DOCK1: variants seen among roughly 807,000 people sequenced by gnomAD.
DOCK1 encodes the protein dedicator of cytokinesis protein 1.
Under a neutral mutation model 262.7 loss-of-function variants are expected in DOCK1, and 138 were observed. That is an observed-to-expected ratio of 0.53 (90% CI 0.46 to 0.61). The LOEUF (loss-of-function observed/expected upper bound fraction) is 0.61, where lower values mean the gene tolerates loss of function less well. Ranked by LOEUF, DOCK1 falls within the 20% of genes least tolerant of loss-of-function variation. The pLI, the probability that DOCK1 is intolerant of heterozygous loss-of-function variation, is 0.00. For missense variants in DOCK1, 1,908 were observed against 2,370.7 expected (o/e 0.80, Z 4.05); for synonymous variants, 866 against 867.4 (o/e 1.00, Z 0.03).
At chr10:127,233,354 A>G (rs184135465) in intron 27 of DOCK1, among the ~76,000 whole-genome samples, 70 of 152,344 alleles carry the variant, frequency 4.6e-4, no homozygotes, top group African/African-American at 1.6e-3. Flanking sequence ...TTTTGTCTAC[A>G]TAACAGTGGA....
chr10:127,109,137 G>C (rs1213825360), intron 24 of DOCK1, among the ~76,000 whole-genome samples: 1 of 152,152 alleles, frequency 6.6e-6, no homozygotes, highest in Non-Finnish European at 1.5e-5. Flanking sequence ...ATTTTCAGTA[G>C]ATTTTATCTA....
At chr10:127,339,153 T>C in intron 30 of DOCK1, 69 bp downstream of exon 30, 1 of 1,312,946 alleles carries the variant, frequency 7.6e-7, no homozygotes, top group East Asian at 2.5e-5. Context: ...TCCGAGCCAG[T>C]ATCTTACAGT....
Position 127,374,163 on chromosome 10 carries a change from C to T in DOCK1, c.3624C>T (p.Ile1208=), listed in dbSNP as rs2065357028. 1 of 1,613,796 alleles carries T rather than the reference C, an allele frequency of 6.2e-7. No homozygotes were observed. ...AAAGGCTTTTGGATTATAGAACCATCATGCACGACGAGAACAAAGAAAACC... is the reference window on the plus strand; with the variant it reads ...AAAGGCTTTTGGATTATAGAACCATTATGCACGACGAGAACAAAGAAAACC... ...LMERLLDYRT[I]MHDENKENRM... The change falls in exon 35 of 52, where the codon ATC becomes ATT. Residue 1208 remains isoleucine, a synonymous_variant. Coordinates refer to ENST00000623213, the MANE Select transcript of DOCK1 (RefSeq NM_001290223.2).
Position 127,104,148 on chromosome 10 carries a change from G to A in DOCK1, c.2446-2083G>A, listed in dbSNP as rs903485430. On this transcript the variant is annotated intron_variant, in intron 23 of 51. Transcript: ENST00000623213. The stretch of plus-strand genomic sequence containing the variant: ...TTGTTTTCTCATTATTGAGTTTTAA[G>A]GGTTCTTTGTGTATTCTGTGTACTA... 2.2e-4 allele frequency among the ~76,000 whole-genome samples: 33 copies of A among 152,076 alleles called. 1 individual carries two copies. Among genetic ancestry groups the A allele is most frequent in the Admixed American group, 2.1e-3 (32 of 15,250 alleles).
intron 27 of DOCK1, among the ~76,000 whole-genome samples, chr10:127,240,536 A>G (rs2134687057): frequency 6.6e-6 from 1 of 152,230 alleles, no homozygotes; most frequent in East Asian, 1.9e-4. Flanking sequence ...CAGCCTTTTT[A>G]TTATGTCTTA....
intron 38 of DOCK1, among the ~76,000 whole-genome samples, chr10:127,396,469 T>G (rs182055449): frequency 3.8e-4 from 58 of 152,306 alleles, no homozygotes; most frequent in African/African-American, 1.3e-3. Context: ...AACTCCCCTG[T>G]CCAGCCACTG....
At chr10:127,238,312 T>C (rs1193179926) in intron 27 of DOCK1, among the ~76,000 whole-genome samples, 2 of 152,190 alleles carry the variant, frequency 1.3e-5, no homozygotes, top group Non-Finnish European at 2.9e-5. Context: ...TGCTTAGCAT[T>C]CTACCTAAAG....
chr10:127,179,452 GTTCTTA>G (rs2055507666), intron 27 of DOCK1, among the ~76,000 whole-genome samples: 1 of 152,280 alleles, frequency 6.6e-6, no homozygotes, highest in South Asian at 2.1e-4. Flanking sequence ...TAGTAATTGA[GTTCTTA>G]TTCTCTGATA....
At chr10:127,249,430 T>G (rs1272640847) in intron 28 of DOCK1, among the ~76,000 whole-genome samples, 2 of 132,096 alleles carry the variant, frequency 1.5e-5, no homozygotes, top group African/African-American at 5.7e-5. Flanking sequence ...TACATATATA[T>G]ATACACACAC....
intron 5 of DOCK1, among the ~76,000 whole-genome samples, chr10:126,990,204 C>T (rs2039694810): frequency 6.6e-6 from 1 of 152,200 alleles, no homozygotes; most frequent in Admixed American, 6.5e-5. Context: ...CAGTGGGACA[C>T]AGGATGTTGG....
chr10:126,924,428 TGTGAGTGCTGGAACTCAGTAGC>T (rs2033513743), intron 1 of DOCK1, among the ~76,000 whole-genome samples: 3 of 133,442 alleles, frequency 2.2e-5, no homozygotes, highest in South Asian at 2.5e-4. Flanking sequence ...AGGGGGAGGC[TGTGAGTGCTGGAACTCAGTAGC>T]GGGAGGCTGT....
intron 22 of DOCK1, among the ~76,000 whole-genome samples, chr10:127,054,557 GCTAGGT>G (rs975558478): frequency 3.9e-5 from 6 of 152,186 alleles, no homozygotes; most frequent in African/African-American, 1.2e-4. Flanking sequence ...AGCATGGTAA[GCTAGGT>G]TATGTTTTCT....
chr10:127,222,939 A>G (rs1487364714), intron 27 of DOCK1, among the ~76,000 whole-genome samples: 1 of 152,108 alleles, frequency 6.6e-6, no homozygotes, highest in Non-Finnish European at 1.5e-5. Flanking sequence ...AGCTTCCCCA[A>G]ATTCTGAGAT....
intron 43 of DOCK1, 70 bp from the exon 44 acceptor site, chr10:127,415,082 C>A: frequency 7.0e-7 from 1 of 1,437,684 alleles, no homozygotes; most frequent in East Asian, 2.3e-5. Flanking sequence ...TATAAATCCC[C>A]CTTAGGGCAG....
At chr10:127,114,637 C>T (rs199933272) in intron 25 of DOCK1, among the ~76,000 whole-genome samples, 4 of 152,046 alleles carry the variant, frequency 2.6e-5, no homozygotes, top group Non-Finnish European at 2.9e-5. Context: ...TTGGCTATAC[C>T]TTTGGCTAAA....
In DOCK1 at chr10:127,175,677, G is replaced by A. The variant is rs1255400493; in HGVS notation, c.2847+47913G>A. The A allele has an allele frequency of 1.2e-6, 2 of 1,613,630 alleles. No homozygotes were observed. The highest frequency in any genetic ancestry group is 1.7e-5 in the Admixed American group (1 of 59,984). On this transcript the variant is annotated intron_variant, in intron 27 of 51. Transcript: ENST00000623213. The surrounding 1 kb of genome is among the most constrained non-coding windows in gnomAD (Gnocchi z 6.3). ...CACCCTCCTGAGGGCAGGTGGAGCG[G>A]GCTCCTCGGAGTTTGGCCTCCCCCG...
At chr10:126,919,410 A>T (rs149495319) in intron 1 of DOCK1, among the ~76,000 whole-genome samples, 1 of 152,176 alleles carries the variant, frequency 6.6e-6, no homozygotes, top group African/African-American at 2.4e-5. Context: ...TCCTAACGTC[A>T]TAAGTGTTTT....
At chr10:127,058,724 T>C (rs1470246283) in intron 22 of DOCK1, among the ~76,000 whole-genome samples, 2 of 152,220 alleles carry the variant, frequency 1.3e-5, no homozygotes, top group East Asian at 3.9e-4. Context: ...GTTGGACTTA[T>C]TTTAGAGTAT....
chr10:127,384,498 G>A (rs2065994484), intron 37 of DOCK1, among the ~76,000 whole-genome samples: 1 of 152,188 alleles, frequency 6.6e-6, no homozygotes, highest in African/African-American at 2.4e-5. Flanking sequence ...CTCCTGATTT[G>A]TCCCGGAATG....
Sources: gnomAD v4.1 joint callset for allele counts (sites outside exome capture counted in the v4.1 genomes callset) on GRCh38, gnomAD v4.1.1 for gene constraint, Gnocchi (gnomAD v3.1) non-coding constraint, MANE v1.5 for transcripts, NCBI Gene and HGNC (gene_info 2026-07-23, HGNC 2026-07-21) for gene names.